Variants in RORA observed in about 807,000 individuals in gnomAD.
RORA encodes RAR related orphan receptor A.
Under a neutral mutation model 69.5 loss-of-function variants are expected in RORA, and 7 were observed. The observed-to-expected ratio is 0.10, with a 90% confidence interval of 0.06 to 0.19. RORA has a LOEUF of 0.19. Ranked by LOEUF, RORA falls within the 10% of genes least tolerant of loss-of-function variation. The pLI, the probability that RORA is intolerant of heterozygous loss-of-function variation, is 1.00. For synonymous variants in RORA, 261 were observed against 240.8 expected (o/e 1.08, Z -0.78); for missense variants, 457 against 663.0 (o/e 0.69, Z 3.41).
chr15:60,700,324 G>A (rs975164926), intron 1 of RORA, among the ~76,000 whole-genome samples: 2 of 152,158 alleles, frequency 1.3e-5, no homozygotes, highest in Non-Finnish European at 2.9e-5. Context: ...TAAAGAGAAG[G>A]ACAGCAGGGT....
At position 60,496,240 on chromosome 15, in the gene RORA, C is replaced by T. The variant is rs2065164696; in HGVS notation, c.*1215G>A. ...ATAAACATTCACAAAGTAAATACTTCATGTCCTCACATGGGGAGTGTGCAT... is the reference window on the plus strand; with the variant it reads ...ATAAACATTCACAAAGTAAATACTTTATGTCCTCACATGGGGAGTGTGCAT... On this transcript the variant is annotated 3_prime_UTR_variant, in exon 11 of 11. Coordinates refer to ENST00000335670, the MANE Select transcript of RORA (RefSeq NM_134261.3). This position sits in a 1 kb window ranked among gnomAD's most constrained non-coding sequence, Gnocchi z 4.5. 1 of 152,174 alleles carries T rather than the reference C, an allele frequency of 6.6e-6. No individual in the cohort carries two copies. Among genetic ancestry groups the T allele is most frequent in the Admixed American group, 6.5e-5 (1 of 15,278 alleles). 9.4% of individuals were successfully genotyped at this position (152,174 alleles called of 1,614,324 possible).
In RORA at chr15:60,772,452, G is replaced by A. The variant is rs114211488; in HGVS notation, c.167-93766C>T. ...AAATATGCAAAAAATAAATTTCTAG[G>A]GAAAAATACCACAGAGTAATAATGT... On this transcript the variant is annotated intron_variant, in intron 1 of 10. Coordinates refer to ENST00000335670, the MANE Select transcript of RORA (RefSeq NM_134261.3). Among the ~76,000 whole-genome samples the A allele has an allele frequency of 6.9e-3, 1,057 of 152,194 alleles. 12 individuals carry two copies. Among genetic ancestry groups the A allele is most frequent in the African/African-American group, 0.024 (1,013 of 41,502 alleles).
At chr15:60,668,123 G>C (rs1246269492) in intron 2 of RORA, among the ~76,000 whole-genome samples, 1 of 152,110 alleles carries the variant, frequency 6.6e-6, no homozygotes, top group Non-Finnish European at 1.5e-5. Flanking sequence ...TGCTCTCAGG[G>C]GGAAGCCCTA....
At chr15:61,066,082 G>T (rs527696901) in intron 1 of RORA, among the ~76,000 whole-genome samples, 1 of 152,088 alleles carries the variant, frequency 6.6e-6, no homozygotes, top group Admixed American at 6.6e-5. Flanking sequence ...GCGTCTAGTG[G>T]TTTTTATGAT....
chr15:61,089,746 T>C (rs1251393202), intron 1 of RORA, among the ~76,000 whole-genome samples: 1 of 152,154 alleles, frequency 6.6e-6, no homozygotes, highest in Non-Finnish European at 1.5e-5. Flanking sequence ...GCAAAAACCA[T>C]CACCGTAGGC....
chr15:61,090,845 T>C (rs897283069), intron 1 of RORA, among the ~76,000 whole-genome samples: 1 of 152,092 alleles, frequency 6.6e-6, no homozygotes, highest in Non-Finnish European at 1.5e-5. Flanking sequence ...CTGATAGCTT[T>C]TGTCACCCCC....
rs538962733 is a variant in RORA, at chr15:61,054,661, T to C, written c.166+174392A>G. On this transcript the variant is annotated intron_variant, in intron 1 of 10. Coordinates refer to ENST00000335670, the MANE Select transcript of RORA (RefSeq NM_134261.3). ...TTATTTTAGATACTCTAATTACTTT[T>C]GAGGTGCTGGTGGTATATGAATAAT... Among the ~76,000 whole-genome samples the C allele has an allele frequency of 2.0e-5, 3 of 152,300 alleles. 1 individual carries two copies. Among genetic ancestry groups the C allele is most frequent in the African/African-American group, 2.4e-5 (1 of 41,560 alleles).
At chr15:60,520,679 G>C (rs2066134654) in intron 3 of RORA, among the ~76,000 whole-genome samples, 1 of 152,114 alleles carries the variant, frequency 6.6e-6, no homozygotes, top group Admixed American at 6.5e-5. Context: ...GAGAGCAGGG[G>C]AAGCACAAAA....
At chr15:61,153,841 C>T (rs948223346) in intron 1 of RORA, among the ~76,000 whole-genome samples, 2 of 152,030 alleles carry the variant, frequency 1.3e-5, no homozygotes, top group Non-Finnish European at 2.9e-5. Flanking sequence ...CACACAATGA[C>T]ATGGAGGCCC....
chr15:60,982,175 C>T (rs1894062033), intron 1 of RORA, among the ~76,000 whole-genome samples: 1 of 152,192 alleles, frequency 6.6e-6, no homozygotes. Context: ...TGGGAGGATA[C>T]CTTCAACACT....
intron 2 of RORA, among the ~76,000 whole-genome samples, chr15:60,550,274 A>C (rs925513218): frequency 2.6e-5 from 4 of 152,140 alleles, no homozygotes; most frequent in African/African-American, 9.7e-5. Flanking sequence ...TGGGCAGCAG[A>C]GTGAGACTCC....
chr15:61,196,221 A>C (rs1212740581), intron 1 of RORA, among the ~76,000 whole-genome samples: 1 of 152,244 alleles, frequency 6.6e-6, no homozygotes, highest in Non-Finnish European at 1.5e-5. Context: ...CTCAATAAAT[A>C]TTTAGGGGTA....
rs764293550 is a variant in RORA at position 60,511,521 on chromosome 15, C to T, written c.525G>A (p.Gln175=). ...MQQQQRDHQQ[Q]PGEAEPLTPT... ...GCGTCAGCGGCTCAGCCTCTCCAGG[C>T]TGCTGCTGGTGGTCGCGCTGCTGCT... The change falls in exon 5 of 11, where the codon CAG becomes CAA. Residue 175 remains glutamine (Q), a synonymous_variant. Coordinates refer to ENST00000335670, the MANE Select transcript of RORA (RefSeq NM_134261.3). This position sits in a 1 kb window ranked among gnomAD's most constrained non-coding sequence, Gnocchi z 6.4. The T allele has an allele frequency of 2.8e-5, 45 of 1,614,058 alleles. No homozygotes were observed. The Admixed American group carries it at 7.2e-4, about 26-fold the overall frequency.
At chr15:60,722,218 T>G (rs543379233) in intron 1 of RORA, among the ~76,000 whole-genome samples, 1 of 152,384 alleles carries the variant, frequency 6.6e-6, no homozygotes, top group Admixed American at 6.5e-5. Context: ...CTTCCATGTG[T>G]TGTCAACATA....
intron 1 of RORA, among the ~76,000 whole-genome samples, chr15:60,923,656 A>G (rs1412942452): frequency 1.3e-5 from 2 of 152,186 alleles, no homozygotes; most frequent in Admixed American, 1.3e-4. Context: ...AGTGACTTAT[A>G]TCTAAAGACT....
intron 1 of RORA, among the ~76,000 whole-genome samples, chr15:61,126,038 G>T (rs1361017475): frequency 6.6e-6 from 1 of 152,168 alleles, no homozygotes; most frequent in Non-Finnish European, 1.5e-5. Flanking sequence ...TAGTTTCGCA[G>T]CTGTGTAAGG....
At chr15:61,168,331 C>A (rs972146501) in intron 1 of RORA, among the ~76,000 whole-genome samples, 1 of 151,932 alleles carries the variant, frequency 6.6e-6, no homozygotes, top group Non-Finnish European at 1.5e-5. Context: ...TGGGTTCAAG[C>A]GATTCTCTTG....
chr15:60,894,133 C>T (rs1010491389), intron 1 of RORA, among the ~76,000 whole-genome samples: 2 of 152,154 alleles, frequency 1.3e-5, no homozygotes, highest in Non-Finnish European at 2.9e-5. Context: ...ACCAGCCACG[C>T]GGCCCGCAGC....
intron 1 of RORA, among the ~76,000 whole-genome samples, chr15:60,729,917 T>G (rs962346007): frequency 3.3e-5 from 5 of 152,248 alleles, no homozygotes; most frequent in Admixed American, 2.6e-4. Context: ...TAAAAATTGC[T>G]AGATTCCTTC....
Sources: allele counts gnomAD v4.1 joint callset (sites outside exome capture counted in the v4.1 genomes callset), GRCh38; gene constraint gnomAD v4.1.1; non-coding constraint Gnocchi (gnomAD v3.1); transcripts MANE v1.5; gene names NCBI Gene and HGNC (gene_info 2026-07-23, HGNC 2026-07-21).